CTDSP1: variants seen among roughly 807,000 people sequenced by gnomAD.
CTDSP1 encodes the protein carboxy-terminal domain RNA polymerase II polypeptide A small phosphatase 1.
Under a neutral mutation model 32.5 loss-of-function variants are expected in CTDSP1, and 15 were observed. That is an observed-to-expected ratio of 0.46 (90% CI 0.31 to 0.71). CTDSP1 has a LOEUF of 0.71. Ranked by LOEUF, CTDSP1 falls within the 30% of genes least tolerant of loss-of-function variation. The pLI is 0.05. For missense variants in CTDSP1, 294 were observed against 351.1 expected, an observed-to-expected ratio of 0.84 and a Z score of 1.30; for synonymous variants, 185 against 145.4, an observed-to-expected ratio of 1.27 and a Z score of -1.96.
At chr2:218,397,297 C>T (rs938306642), upstream of CTDSP1, among the ~76,000 whole-genome samples, 4 of 152,154 alleles carry the variant, frequency 2.6e-5, no homozygotes, top group African/African-American at 9.7e-5. Flanking sequence ...TGCCCCCATT[C>T]CCCCCATAGT....
chr2:218,403,205 C>T (rs771568703), intron 5 of CTDSP1, 27 bp from the exon 6 acceptor site: 1 of 1,611,306 alleles, frequency 6.2e-7, no homozygotes, highest in Non-Finnish European at 8.5e-7. Context: ...CCTGCGGGCC[C>T]CAGGATGACC....
chr2:218,396,830 A>C (rs1696813668), upstream of CTDSP1: 1 of 152,604 alleles, frequency 6.6e-6, no homozygotes, highest in Admixed American at 6.5e-5. Flanking sequence ...GTCCTCTGCC[A>C]GGCTCTGTGT....
upstream of CTDSP1, chr2:218,396,662 C>T (rs1696799038): frequency 6.5e-6 from 1 of 152,762 alleles, no homozygotes. Flanking sequence ...GGCCGCCCGC[C>T]TCCTCTGGGT....
Position 218,402,413 on chromosome 2 carries a change from C to A in CTDSP1, c.378+8C>A. 1.2e-6 allele frequency: 2 copies of A among 1,604,790 alleles called. No individual in the cohort carries two copies. Among genetic ancestry groups the A allele is most frequent in the Non-Finnish European group, 1.7e-6 (2 of 1,175,140 alleles). On this transcript the variant is annotated splice_region_variant and intron_variant, in intron 4 of 6. Transcript: ENST00000273062. ...GATGGGGTGGTCCACCAGGTGAGGG[C>A]CAGGAAGAGGCAGTGGTGGGCTTGG...
At position 218,401,756 on chromosome 2, in the gene CTDSP1, T is replaced by C. The variant is rs956782202; in HGVS notation, c.216+44T>C. ...GGGCCACGGGGGCACCTGGACTCAG[T>C]CTTCAGGGCTTTAGGGGAAGGGGCT... On this transcript the variant is annotated intron_variant, in intron 2 of 6. Coordinates refer to ENST00000273062, the MANE Select transcript of CTDSP1 (RefSeq NM_021198.3). The C allele has an allele frequency of 2.7e-6, 4 of 1,498,132 alleles. No homozygotes were observed. In the African/African-American group the frequency reaches 4.2e-5, roughly 16 times the overall value. 92.8% of individuals were successfully genotyped at this position (1,498,132 alleles called of 1,614,324 possible).
Position 218,405,575 on chromosome 2 carries a change from C to T in CTDSP1, c.*1150C>T. On this transcript the variant is annotated 3_prime_UTR_variant, in exon 7 of 7. Transcript: ENST00000273062. ...GTGGGGTTTGGGGATCTCCAGGAAG[C>T]CCGACCAAGCTGTCCCCTTCCCCTG... 6.5e-6 allele frequency: 1 copy of T among 153,110 alleles called. No homozygotes were observed. Among genetic ancestry groups the T allele is most frequent in the Non-Finnish European group, 1.5e-5 (1 of 68,266 alleles). 9.5% of individuals were successfully genotyped at this position (153,110 alleles called of 1,614,324 possible). A position where few individuals can be genotyped will look rare whatever the true frequency, so the allele number is the denominator to read the frequency against.
In CTDSP1 at chr2:218,403,338, G is replaced by A; in HGVS notation, c.578G>A (p.Ser193Asn). The part of the protein sequence containing the change: ...FHRGNYVKDL[S>N]RLGRDLRRVL... ...CGGGGGAACTACGTGAAGGACCTGA[G>A]CCGGTTGGGTCGAGACCTGCGGCGG... The change falls in exon 6 of 7, where the codon AGC becomes AAC. Residue 193 changes from serine (S) to asparagine (N), a missense_variant. Transcript: ENST00000273062. The A allele has an allele frequency of 1.2e-6, 2 of 1,614,124 alleles. No individual in the cohort carries two copies. The highest frequency in any genetic ancestry group is 1.6e-4 in the Middle Eastern group (1 of 6,062).
At position 218,400,021 on chromosome 2, in the gene CTDSP1, C is replaced by T. The variant is rs1697029557; in HGVS notation, c.-70C>T. The stretch of plus-strand genomic sequence containing the variant: ...CTCCCCTCCCCCCCGCGCCCCGATT[C>T]CGGCCCCAGCCGGGGGGGAGGCCGG... On this transcript the variant is annotated 5_prime_UTR_variant, in exon 1 of 7. Coordinates refer to ENST00000273062, the MANE Select transcript of CTDSP1 (RefSeq NM_021198.3). The T allele has an allele frequency of 4.1e-6, 4 of 976,126 alleles. No individual in the cohort carries two copies. The highest frequency in any genetic ancestry group is 3.8e-6 in the Non-Finnish European group (3 of 779,222). 60.5% of individuals were successfully genotyped at this position (976,126 alleles called of 1,614,324 possible).
At chr2:218,403,192 G>A in intron 5 of CTDSP1, 40 bp from the exon 6 acceptor site, 1 of 1,612,060 alleles carries the variant, frequency 6.2e-7, no homozygotes, top group East Asian at 2.2e-5. Flanking sequence ...GCAGCCCAAT[G>A]AACCTGCGGG....
chr2:218,402,278 A>T, intron 3 of CTDSP1, 63 bp downstream of exon 3: 1 of 1,607,600 alleles, frequency 6.2e-7, no homozygotes, highest in Non-Finnish European at 8.5e-7. Context: ...CTGGCCTGGG[A>T]GGGAGGTGTG....
At position 218,404,399 on chromosome 2, in the gene CTDSP1, C is replaced by G; in HGVS notation, c.760C>G (p.Leu254Val). The G allele has an allele frequency of 6.2e-7, 1 of 1,614,166 alleles. No individual in the cohort carries two copies. Among genetic ancestry groups the G allele is most frequent in the Non-Finnish European group, 8.5e-7 (1 of 1,180,014 alleles). The change falls in exon 7 of 7, where the codon CTC (leucine) becomes GTC (valine). Residue 254 changes from leucine to valine, a missense_variant. Leu to Val is a conservative substitution (Grantham distance 32). This residue lies in a region of CTDSP1 where 146 missense variants were observed against 237.7 expected (regional missense o/e 0.61). Transcript: ENST00000273062. ...LSRVDDVYSV[L>V]RQPRPGS ...CCGTGTGGACGACGTGTACTCAGTG[C>G]TCAGGCAGCCACGGCCAGGGAGCTA...
At chr2:218,404,209 A>T (rs977432293) in intron 6 of CTDSP1, 88 bp from the exon 7 acceptor site, 2 of 1,509,176 alleles carry the variant, frequency 1.3e-6, no homozygotes, top group Middle Eastern at 1.8e-4. Flanking sequence ...AAACTGCATG[A>T]TCTGAGTAGT....
At position 218,401,695 on chromosome 2, in the gene CTDSP1, A is replaced by G. The variant is rs745753612; in HGVS notation, c.199A>G (p.Asn67Asp). 6.3e-7 allele frequency: 1 copy of G among 1,593,538 alleles called. No homozygotes were observed. Among genetic ancestry groups the G allele is most frequent in the South Asian group, 1.1e-5 (1 of 88,368 alleles). ...CGGGGCGCCCCTGCTTGTGGAGGAG[A>G]ATGGCGCCATCCCTAAGGTGCGTGG... The part of the protein sequence containing the change: ...HSGAPLLVEE[N>D]GAIPKQTPVQ... The change falls in exon 2 of 7, where the codon AAT becomes GAT. Residue 67 changes from asparagine (N) to aspartate (D), a missense_variant. By Grantham distance (23) the Asn-to-Asp change is conservative (BLOSUM62 1). This residue lies in a region of CTDSP1 where 148 missense variants were observed against 113.3 expected (regional missense o/e 1.31). Coordinates refer to ENST00000273062, the MANE Select transcript of CTDSP1 (RefSeq NM_021198.3).
chr2:218,399,857 G>A (rs934455853), upstream of CTDSP1: 6 of 1,238,698 alleles, frequency 4.8e-6, no homozygotes, highest in Admixed American at 1.7e-4. Flanking sequence ...CGGCGCCTGG[G>A]TTCCATGTTT....
In CTDSP1 at chr2:218,405,684, C is replaced by G. The variant is rs1046052; in HGVS notation, c.*1259C>G. On this transcript the variant is annotated 3_prime_UTR_variant, in exon 7 of 7. Coordinates refer to ENST00000273062, the MANE Select transcript of CTDSP1 (RefSeq NM_021198.3). ...AGGATATCCTGCCTTCCAACTGTTT[C>G]TGAAGCCCCTCCTCCTAACATGGCG... 1 of 153,116 alleles carries G rather than the reference C, an allele frequency of 6.5e-6. No homozygotes were observed. Among genetic ancestry groups the G allele is most frequent in the African/African-American group, 2.4e-5 (1 of 41,482 alleles). 9.5% of individuals were successfully genotyped at this position (153,116 alleles called of 1,614,324 possible). A position where few individuals can be genotyped will look rare whatever the true frequency, so the allele number is the denominator to read the frequency against.
intron 4 of CTDSP1, chr2:218,402,728 T>A (rs1697217674): frequency 2.6e-6 from 2 of 755,410 alleles, no homozygotes; most frequent in South Asian, 2.8e-5. Flanking sequence ...ACCGGTGCCC[T>A]GCAGCCTTGG....
rs533403034 is a variant in CTDSP1, at chr2:218,399,886, G to A, written c.-205G>A. ...CATGTTTGCATCCGCCTCGCGGGAA[G>A]GAAACTCCATGTTGTAACAAAGTTT... On this transcript the variant is annotated 5_prime_UTR_variant, in exon 1 of 7. Coordinates refer to ENST00000273062, the MANE Select transcript of CTDSP1 (RefSeq NM_021198.3). 251 of 1,247,246 alleles carry A rather than the reference G, an allele frequency of 2.0e-4. 3 individuals carry two copies. The African/African-American group carries it at 3.4e-3, about 17-fold the overall frequency. The allele number at this position is 1,247,246 out of a possible 1,614,324, so 77.3% of individuals were successfully genotyped here.
At chr2:218,397,646 C>T (rs994066531), upstream of CTDSP1, among the ~76,000 whole-genome samples, 1 of 152,082 alleles carries the variant, frequency 6.6e-6, no homozygotes, top group Admixed American at 6.6e-5. Flanking sequence ...TCCTGGGGTG[C>T]GAATGATAAA....
At chr2:218,400,394 G>T in intron 1 of CTDSP1, 1 of 622,126 alleles carries the variant, frequency 1.6e-6, no homozygotes, top group Non-Finnish European at 2.8e-6. Context: ...GGAAACTGAG[G>T]CAGGAATAGA....
Sources: allele counts gnomAD v4.1 joint callset (sites outside exome capture counted in the v4.1 genomes callset), GRCh38; gene constraint gnomAD v4.1.1; regional missense constraint gnomAD v4.1.1; transcripts MANE v1.5; gene names NCBI Gene and HGNC (gene_info 2026-07-23, HGNC 2026-07-21).